PRKG1: variants seen among roughly 807,000 people sequenced by gnomAD.
PRKG1 encodes the protein cGMP-dependent protein kinase 1.
PRKG1 carries 35 observed loss-of-function variants against 88.1 expected under a neutral mutation model. The observed-to-expected ratio is 0.40, with a 90% CI of 0.30 to 0.53. PRKG1 has a LOEUF of 0.53. Among genes scored for constraint, PRKG1 ranks in the 20% least tolerant of loss-of-function variants. The pLI is 0.59. For missense variants in PRKG1, 540 were observed against 839.8 expected (o/e 0.64, Z 4.41); for synonymous variants, 303 against 292.5 (o/e 1.04, Z -0.37).
At chr10:51,435,078 T>C (rs1216791270) in intron 2 of PRKG1, among the ~76,000 whole-genome samples, 1 of 152,116 alleles carries the variant, frequency 6.6e-6, no homozygotes, top group East Asian at 1.9e-4. Context: ...ACTACAACTC[T>C]ATTTATAAAA....
intron 3 of PRKG1, among the ~76,000 whole-genome samples, chr10:51,546,197 C>T (rs1156460349): frequency 1.3e-5 from 2 of 151,954 alleles, no homozygotes; most frequent in African/African-American, 2.4e-5. Context: ...ACAACAGTGG[C>T]ATAAGTTCCA....
intron 3 of PRKG1, among the ~76,000 whole-genome samples, chr10:51,511,175 A>T (rs538378536): frequency 2.0e-5 from 3 of 152,182 alleles, no homozygotes; most frequent in Non-Finnish European, 4.4e-5. Flanking sequence ...CTAGACTCCT[A>T]TAACATTTAC....
At chr10:51,476,460 T>C (rs1211766541) in intron 3 of PRKG1, among the ~76,000 whole-genome samples, 1 of 152,190 alleles carries the variant, frequency 6.6e-6, no homozygotes. Flanking sequence ...GTCTGCCTCA[T>C]TGATAAATAC....
rs1379448523 is a variant in PRKG1, at chr10:52,296,425, C to A, written c.*2525C>A. On this transcript the variant is annotated 3_prime_UTR_variant, in exon 18 of 18. Transcript: ENST00000373980. ...CAAAATAAAGGTAAACTACATCTTC[C>A]AAGATGTACCAACAGAAAACATTCG... 1 of 152,024 alleles carries A rather than the reference C, an allele frequency of 6.6e-6. No homozygotes were observed. Among genetic ancestry groups the A allele is most frequent in the Non-Finnish European group, 1.5e-5 (1 of 67,932 alleles). 9.4% of individuals were successfully genotyped at this position (152,024 alleles called of 1,614,324 possible).
intron 3 of PRKG1, among the ~76,000 whole-genome samples, chr10:51,764,345 C>T (rs1489281166): frequency 6.6e-6 from 1 of 151,748 alleles, no homozygotes; most frequent in East Asian, 1.9e-4. Flanking sequence ...AAAGTGAGAT[C>T]CTCATGCCCT....
chr10:52,105,047 G>T (rs577463980), intron 7 of PRKG1, among the ~76,000 whole-genome samples: 1 of 152,148 alleles, frequency 6.6e-6, no homozygotes, highest in Non-Finnish European at 1.5e-5. Context: ...ACTAACAGAG[G>T]CCACGCAGAT....
chr10:51,901,053 TAAC>T (rs754841368), intron 4 of PRKG1, among the ~76,000 whole-genome samples: 2 of 152,140 alleles, frequency 1.3e-5, no homozygotes, highest in Non-Finnish European at 2.9e-5. Flanking sequence ...AATAAGAAAA[TAAC>T]AACTAGTATA....
chr10:51,205,677 A>T (rs1428697261), intron 2 of PRKG1, among the ~76,000 whole-genome samples: 1 of 151,466 alleles, frequency 6.6e-6, no homozygotes, highest in East Asian at 2.0e-4. Context: ...CTGGGACTAG[A>T]GGCGCTGCCA....
intron 7 of PRKG1, among the ~76,000 whole-genome samples, chr10:52,124,363 C>T (rs1387603734): frequency 2.6e-5 from 4 of 152,152 alleles, no homozygotes; most frequent in South Asian, 2.1e-4. Flanking sequence ...GTACTGAATA[C>T]TGCAGGCAGT....
intron 2 of PRKG1, among the ~76,000 whole-genome samples, chr10:51,251,027 T>C (rs567849074): frequency 6.6e-6 from 1 of 151,912 alleles, no homozygotes; most frequent in African/African-American, 2.4e-5. Context: ...AGATTTTACT[T>C]CCTGAATGTT....
intron 4 of PRKG1, among the ~76,000 whole-genome samples, chr10:51,898,548 A>T (rs1457175417): frequency 1.3e-5 from 2 of 152,106 alleles, no homozygotes; most frequent in Non-Finnish European, 2.9e-5. Context: ...TTAAAAAAAA[A>T]TTTTGGCCAG....
chr10:52,052,961 G>A (rs904599449), intron 5 of PRKG1, among the ~76,000 whole-genome samples: 1 of 152,062 alleles, frequency 6.6e-6, no homozygotes, highest in African/African-American at 2.4e-5. Context: ...ACATGAAAGT[G>A]GACCACTGCC....
chr10:51,504,948 T>C (rs1371213993), intron 3 of PRKG1, among the ~76,000 whole-genome samples: 1 of 152,158 alleles, frequency 6.6e-6, no homozygotes, highest in Non-Finnish European at 1.5e-5. Context: ...CTTTTCCTAA[T>C]TGAATACCCT....
At chr10:52,260,428 G>C (rs185575339) in intron 10 of PRKG1, among the ~76,000 whole-genome samples, 1 of 152,092 alleles carries the variant, frequency 6.6e-6, no homozygotes, top group Admixed American at 6.6e-5. Flanking sequence ...ATGTCAGAAA[G>C]AGAGTTGAAT....
intron 2 of PRKG1, among the ~76,000 whole-genome samples, chr10:51,417,653 A>G (rs1032686315): frequency 7.9e-5 from 12 of 152,182 alleles, no homozygotes; most frequent in African/African-American, 2.7e-4. Flanking sequence ...AACGTGAGTT[A>G]ATGGGATGGA....
chr10:51,792,628 C>T (rs2132586089), intron 3 of PRKG1, among the ~76,000 whole-genome samples: 1 of 152,230 alleles, frequency 6.6e-6, no homozygotes, highest in Admixed American at 6.5e-5. Flanking sequence ...AAACATGTTA[C>T]TTATTAGCAC....
intron 4 of PRKG1, among the ~76,000 whole-genome samples, chr10:51,840,415 A>G (rs1840241753): frequency 6.6e-6 from 1 of 152,124 alleles, no homozygotes; most frequent in Admixed American, 6.5e-5. Flanking sequence ...TTTTACAGTC[A>G]CGAATAGGCT....
chr10:51,305,590 G>C (rs1841015968), intron 2 of PRKG1, among the ~76,000 whole-genome samples: 1 of 152,106 alleles, frequency 6.6e-6, no homozygotes, highest in Non-Finnish European at 1.5e-5. Flanking sequence ...TTGGCCTTTA[G>C]GGCAGCATGA....
At position 51,279,124 on chromosome 10, in the gene PRKG1, A is replaced by G. The variant is rs562700544; in HGVS notation, c.478+125794A>G. On this transcript the variant is annotated intron_variant, in intron 2 of 17. Coordinates refer to ENST00000373980, the MANE Select transcript of PRKG1 (RefSeq NM_006258.4). Reference sequence around the variant, plus strand: ...TAAGTTTCCCTCTACACACTGCTTTAAATGTGCCCCAGAGATTCTGGTATG... The same window carrying G: ...TAAGTTTCCCTCTACACACTGCTTTGAATGTGCCCCAGAGATTCTGGTATG... Among the ~76,000 whole-genome samples, 661 of 152,286 alleles carry G rather than the reference A, an allele frequency of 4.3e-3. 3 individuals carry two copies. Among genetic ancestry groups the G allele is most frequent in the Non-Finnish European group, 6.7e-3 (454 of 68,008 alleles).
Sources: gnomAD v4.1 joint callset for allele counts (sites outside exome capture counted in the v4.1 genomes callset) on GRCh38, gnomAD v4.1.1 for gene constraint, MANE v1.5 for transcripts, NCBI Gene and HGNC (gene_info 2026-07-23, HGNC 2026-07-21) for gene names.